Variants in ECHDC1 observed in about 807,000 individuals in gnomAD.
ECHDC1 encodes ethylmalonyl-CoA decarboxylase.
ECHDC1 carries 29 observed loss-of-function variants against 29.7 expected under a neutral mutation model. The ratio of observed to expected loss-of-function variants is 0.98; its 90% CI spans 0.73 to 1.33. ECHDC1 has a LOEUF of 1.33. Ranked by LOEUF, ECHDC1 falls within the 40% of genes most tolerant of loss-of-function variation. The pLI is 0.00. For synonymous variants in ECHDC1, 126 were observed against 123.1 expected (o/e 1.02, Z -0.15); for missense variants, 328 against 350.0 (o/e 0.94, Z 0.50).
At chr6:127,337,508 C>T (rs1784534552) in intron 1 of ECHDC1, among the ~76,000 whole-genome samples, 1 of 152,112 alleles carries the variant, frequency 6.6e-6, no homozygotes, top group African/African-American at 2.4e-5. Flanking sequence ...TTAAGTTGTC[C>T]CTCCTTTCTG....
At chr6:127,321,560 C>T (rs1481419807) in intron 3 of ECHDC1, among the ~76,000 whole-genome samples, 1 of 152,144 alleles carries the variant, frequency 6.6e-6, no homozygotes, top group Non-Finnish European at 1.5e-5. Context: ...TAAACACATT[C>T]CATACTTTAT....
chr6:127,321,401 A>C (rs921615142), intron 3 of ECHDC1, among the ~76,000 whole-genome samples: 1 of 152,226 alleles, frequency 6.6e-6, no homozygotes, highest in Non-Finnish European at 1.5e-5. Context: ...AAGCCTCAAA[A>C]GTCCTGAGGC....
chr6:127,294,035 G>C (rs2042229665), intron 5 of ECHDC1, among the ~76,000 whole-genome samples: 1 of 152,158 alleles, frequency 6.6e-6, no homozygotes, highest in South Asian at 2.1e-4. Context: ...TGAAGCAGAA[G>C]ATTGCAAGCT....
At chr6:127,312,151 C>T (rs1781998124) in intron 5 of ECHDC1, among the ~76,000 whole-genome samples, 1 of 152,010 alleles carries the variant, frequency 6.6e-6, no homozygotes, top group African/African-American at 2.4e-5. Context: ...GACATAGACA[C>T]ACGAGCATAC....
At position 127,290,283 on chromosome 6, in the gene ECHDC1, A is replaced by T. The variant is rs1364650258; in HGVS notation, c.498-6T>A. On this transcript the variant is annotated splice_region_variant and splice_polypyrimidine_tract_variant and intron_variant, in intron 5 of 5. Transcript: ENST00000454859. ...TACTCTCTGGAGTCATTAACCTGTA[A>T]AAGAAAAAAGAAAAGCTTAATTGTA... 6.2e-7 allele frequency: 1 copy of T among 1,603,036 alleles called. No homozygotes were observed. The highest frequency in any genetic ancestry group is 8.5e-7 in the Non-Finnish European group (1 of 1,175,494).
At chr6:127,328,896 A>G (rs555857547) in intron 2 of ECHDC1, among the ~76,000 whole-genome samples, 33 of 152,122 alleles carry the variant, frequency 2.2e-4, no homozygotes, top group East Asian at 1.6e-3. Context: ...GCGTGGTGGC[A>G]GGCGCCTGTA....
intron 5 of ECHDC1, among the ~76,000 whole-genome samples, chr6:127,311,669 C>CAAAAAAAAAAAAAA (rs71272311): frequency 1.2e-3 from 30 of 25,040 alleles, no homozygotes; most frequent in East Asian, 2.2e-3. Flanking sequence ...GGCTCTGTCT[C>CAAAAAAAAAAAAAA]AAAAAAAAAA....
chr6:127,296,052 AAC>A (rs1177318256), intron 5 of ECHDC1, among the ~76,000 whole-genome samples: 2 of 152,198 alleles, frequency 1.3e-5, no homozygotes, highest in South Asian at 2.1e-4. Flanking sequence ...ATAAATGTAA[AAC>A]ACAAAACCAT....
rs761638659 is a variant in ECHDC1, at chr6:127,289,950, G to A, written c.825C>T (p.Asn275=). The change falls in exon 6 of 6, where the codon AAC becomes AAT. Residue 275 remains asparagine, a synonymous_variant. Coordinates refer to ENST00000454859, the MANE Select transcript of ECHDC1 (RefSeq NM_001002030.2). ...AAACTGTTCCTAAAAGATCTCTTTCGTTCTGTAATGCTTCCTCCAAATATA... is the reference window on the plus strand; with the variant it reads ...AAACTGTTCCTAAAAGATCTCTTTCATTCTGTAATGCTTCCTCCAAATATA... ...RELYLEEALQ[N]ERDLLGTVWG... 6.8e-6 allele frequency: 11 copies of A among 1,613,386 alleles called. No homozygotes were observed. The highest frequency in any genetic ancestry group is 1.7e-5 in the Admixed American group (1 of 59,922).
At chr6:127,343,022 T>G (rs968994982) in intron 1 of ECHDC1, 9 of 152,224 alleles carry the variant, frequency 5.9e-5, no homozygotes, top group African/African-American at 2.2e-4. Flanking sequence ...AAAGCAAGCC[T>G]CCTCATGCTT....
chr6:127,310,442 C>T (rs1781812835), intron 5 of ECHDC1, among the ~76,000 whole-genome samples: 1 of 151,840 alleles, frequency 6.6e-6, no homozygotes, highest in East Asian at 1.9e-4. Context: ...TTTCAACCCT[C>T]AGGAAGATTT....
intron 5 of ECHDC1, among the ~76,000 whole-genome samples, chr6:127,297,724 A>T (rs1168775241): frequency 6.6e-6 from 1 of 152,188 alleles, no homozygotes; most frequent in East Asian, 1.9e-4. Flanking sequence ...GAGAAGCTTC[A>T]CTTTGTGCTT....
At chr6:127,305,306 C>G (rs189857324) in intron 5 of ECHDC1, among the ~76,000 whole-genome samples, 41 of 152,222 alleles carry the variant, frequency 2.7e-4, no homozygotes, top group African/African-American at 9.6e-4. Flanking sequence ...TCCTTTCATG[C>G]TAGAATAGTA....
intron 5 of ECHDC1, among the ~76,000 whole-genome samples, chr6:127,309,497 AC>A (rs1212477270): frequency 5.6e-5 from 1 of 17,990 alleles, no homozygotes; most frequent in Non-Finnish European, 1.8e-4. Flanking sequence ...ACACACACAC[AC>A]ACACACACAC....
chr6:127,330,577 C>T (rs576541313), intron 2 of ECHDC1, among the ~76,000 whole-genome samples: 14 of 152,148 alleles, frequency 9.2e-5, no homozygotes, highest in Non-Finnish European at 1.9e-4. Flanking sequence ...TCCTTTTTAT[C>T]AATATCTGTA....
chr6:127,315,357 G>A, intron 4 of ECHDC1: 1 of 320,796 alleles, frequency 3.1e-6, no homozygotes, highest in South Asian at 2.7e-5. Flanking sequence ...AGAAGATAGG[G>A]CTCCAAAACT....
chr6:127,329,815 G>A (rs915660605), intron 2 of ECHDC1: 4 of 420,864 alleles, frequency 9.5e-6, no homozygotes, highest in East Asian at 7.5e-5. Flanking sequence ...TTGCACATGT[G>A]GCTCACCTTT....
intron 1 of ECHDC1, among the ~76,000 whole-genome samples, chr6:127,336,641 G>A (rs1010617327): frequency 2.0e-5 from 3 of 152,164 alleles, no homozygotes; most frequent in African/African-American, 7.2e-5. Flanking sequence ...CTGTGGTTGA[G>A]AGTTTTCTTG....
intron 1 of ECHDC1, among the ~76,000 whole-genome samples, chr6:127,339,734 C>T (rs1784750128): frequency 6.6e-6 from 1 of 150,456 alleles, no homozygotes; most frequent in South Asian, 2.1e-4. Flanking sequence ...GATCACACCA[C>T]TGCACTCCAG....
Sources: gnomAD v4.1 joint callset for allele counts (sites outside exome capture counted in the v4.1 genomes callset) on GRCh38, gnomAD v4.1.1 for gene constraint, MANE v1.5 for transcripts, NCBI Gene and HGNC (gene_info 2026-07-23, HGNC 2026-07-21) for gene names.